The following MDFIC variants were observed in gnomAD, a reference collection of about 807,000 sequenced individuals.
MDFIC encodes myoD family inhibitor domain-containing protein.
A neutral mutation model predicts 23.2 loss-of-function variants in MDFIC; 17 were observed. The ratio of observed to expected loss-of-function variants is 0.73; its 90% CI spans 0.50 to 1.10. The LOEUF is 1.10. MDFIC is among the 50% of genes least tolerant of loss of function. MDFIC has a pLI of 0.00. For synonymous variants in MDFIC, 120 were observed against 115.2 expected, an observed-to-expected ratio of 1.04 and a Z score of -0.27; for missense variants, 356 against 316.6, an observed-to-expected ratio of 1.12 and a Z score of -0.95.
At chr7:114,959,004 A>G (rs187428975) in intron 3 of MDFIC, among the ~76,000 whole-genome samples, 2 of 152,294 alleles carry the variant, frequency 1.3e-5, no homozygotes, top group Non-Finnish European at 2.9e-5. Context: ...TATGACATCT[A>G]CAGTGTTAAA....
intron 2 of MDFIC, chr7:114,923,531 T>C: frequency 6.5e-7 from 1 of 1,537,342 alleles, no homozygotes; most frequent in Non-Finnish European, 8.7e-7. Flanking sequence ...ATCTTTCTGT[T>C]TCTTGTTGGC....
intron 4 of MDFIC, among the ~76,000 whole-genome samples, chr7:114,990,750 G>C (rs1793593660): frequency 6.6e-6 from 1 of 152,160 alleles, no homozygotes; most frequent in African/African-American, 2.4e-5. Context: ...GTCTGTCACT[G>C]ATGGGCATTT....
chr7:114,987,301 A>AT (rs1474160104), intron 4 of MDFIC, among the ~76,000 whole-genome samples: 1 of 152,118 alleles, frequency 6.6e-6, no homozygotes, highest in Non-Finnish European at 1.5e-5. Context: ...TCTTACATTA[A>AT]TTTTTTCCCA....
At chr7:115,003,745 C>A (rs897598291) in intron 4 of MDFIC, among the ~76,000 whole-genome samples, 7 of 152,142 alleles carry the variant, frequency 4.6e-5, no homozygotes, top group Non-Finnish European at 1.0e-4. Context: ...CTGGAACAAT[C>A]TTTGCTTTTA....
intron 2 of MDFIC, among the ~76,000 whole-genome samples, chr7:114,938,770 T>C (rs1792482057): frequency 7.6e-6 from 1 of 131,622 alleles, no homozygotes; most frequent in Admixed American, 8.2e-5. Context: ...TGAAATCAAC[T>C]GATTGTCTAT....
At chr7:115,013,903 A>G in intron 4 of MDFIC, 1 of 774,678 alleles carries the variant, frequency 1.3e-6, no homozygotes, top group Non-Finnish European at 1.6e-6. Context: ...ATTGGTTACT[A>G]CCAGAAATCA....
At chr7:114,940,027 G>A (rs1477807377) in intron 2 of MDFIC, among the ~76,000 whole-genome samples, 3 of 152,102 alleles carry the variant, frequency 2.0e-5, no homozygotes, top group African/African-American at 4.8e-5. Context: ...TGAGTTGACT[G>A]TAGCAGTAAA....
Position 114,923,077 on chromosome 7 carries a change from C to G in MDFIC, c.44C>G (p.Pro15Arg), listed in dbSNP as rs1257892980. 1 of 1,421,310 alleles carries G rather than the reference C, an allele frequency of 7.0e-7. No homozygotes were observed. Among genetic ancestry groups the G allele is most frequent in the African/African-American group, 1.5e-5 (1 of 65,732 alleles). 88.0% of individuals were successfully genotyped at this position (1,421,310 alleles called of 1,614,324 possible). ...GEALAPGPVGPQRVAEAGGGQ... is the reference protein window; with the variant it reads ...GEALAPGPVGRQRVAEAGGGQ... ...GCCCTCGCTCCCGGGCCCGTGGGGCCGCAGCGCGTGGCCGAGGCGGGCGGC... is the reference window on the plus strand; with the variant it reads ...GCCCTCGCTCCCGGGCCCGTGGGGCGGCAGCGCGTGGCCGAGGCGGGCGGC... The change falls in exon 2 of 5, where the codon CCG becomes CGG. Residue 15 changes from proline (P) to arginine (R), a missense_variant. Pro to Arg is a moderately radical substitution (Grantham distance 103). Coordinates refer to ENST00000393486, the MANE Select transcript of MDFIC (RefSeq NM_001166345.3).
chr7:115,011,324 G>A lies in MDFIC; in HGVS notation c.494-4364G>A, dbSNP rs577507458. On this transcript the variant is annotated intron_variant, in intron 4 of 4. Transcript: ENST00000393486. ...CAATATTTATAAAGACCTTACAAGAGAGTTTAGTACAAAGTAATTTTCTAA... is the reference window on the plus strand; with the variant it reads ...CAATATTTATAAAGACCTTACAAGAAAGTTTAGTACAAAGTAATTTTCTAA... 2.0e-5 allele frequency among the ~76,000 whole-genome samples: 3 copies of A among 152,258 alleles called. No individual in the cohort carries two copies. In the South Asian group the frequency reaches 6.2e-4, roughly 32 times the overall value.
intron 3 of MDFIC, among the ~76,000 whole-genome samples, chr7:114,958,543 G>A (rs970794149): frequency 4.6e-5 from 7 of 152,196 alleles, no homozygotes; most frequent in Non-Finnish European, 8.8e-5. Flanking sequence ...CTGAGGTCAG[G>A]AGTTCGAGAC....
chr7:114,981,079 A>G (rs1232460094), intron 4 of MDFIC, among the ~76,000 whole-genome samples: 1 of 152,204 alleles, frequency 6.6e-6, no homozygotes, highest in East Asian at 1.9e-4. Flanking sequence ...GTAGGCTGTT[A>G]ACTAAACTGG....
intron 3 of MDFIC, among the ~76,000 whole-genome samples, chr7:114,975,565 T>C (rs1379770378): frequency 5.3e-5 from 8 of 151,768 alleles, no homozygotes; most frequent in Non-Finnish European, 1.2e-4. Context: ...AGCATGCTTT[T>C]TTTTTTTTTA....
chr7:114,987,073 A>G (rs2116002476), intron 4 of MDFIC, among the ~76,000 whole-genome samples: 1 of 152,302 alleles, frequency 6.6e-6, no homozygotes, highest in South Asian at 2.1e-4. Flanking sequence ...AGGAAGGGCA[A>G]ATATTTGAGC....
intron 3 of MDFIC, among the ~76,000 whole-genome samples, chr7:114,956,796 G>C (rs1295000068): frequency 6.6e-6 from 1 of 152,146 alleles, no homozygotes; most frequent in African/African-American, 2.4e-5. Flanking sequence ...TAAGGTTTTT[G>C]ATTGAAAATA....
intron 3 of MDFIC, among the ~76,000 whole-genome samples, chr7:114,951,276 C>T (rs1403007901): frequency 6.6e-6 from 1 of 151,904 alleles, no homozygotes; most frequent in Non-Finnish European, 1.5e-5. Context: ...GGCCTAAGGT[C>T]AGTCACCTGT....
intron 3 of MDFIC, among the ~76,000 whole-genome samples, chr7:114,949,035 T>C (rs1459672024): frequency 6.6e-6 from 1 of 152,208 alleles, no homozygotes; most frequent in Middle Eastern, 3.2e-3. Context: ...TGGATAAGAA[T>C]ATTTTTAAAG....
intron 3 of MDFIC, among the ~76,000 whole-genome samples, chr7:114,950,052 G>A (rs780399302): frequency 6.6e-6 from 1 of 152,162 alleles, no homozygotes; most frequent in Non-Finnish European, 1.5e-5. Flanking sequence ...AAGACTAAGG[G>A]AAGATAGAAA....
chr7:114,950,531 T>G (rs952690030), intron 3 of MDFIC, among the ~76,000 whole-genome samples: 2 of 152,226 alleles, frequency 1.3e-5, no homozygotes, highest in African/African-American at 4.8e-5. Flanking sequence ...GTCCATAAGT[T>G]TCCTGTTGTT....
At chr7:115,013,928 C>T (rs1388594096) in intron 4 of MDFIC, 9 of 914,708 alleles carry the variant, frequency 9.8e-6, no homozygotes, top group African/African-American at 3.6e-5. Context: ...TAGGGGAAGA[C>T]GGAGAGACCT....
Sources: allele counts gnomAD v4.1 joint callset (sites outside exome capture counted in the v4.1 genomes callset), GRCh38; gene constraint gnomAD v4.1.1; transcripts MANE v1.5; gene names NCBI Gene and HGNC (gene_info 2026-07-23, HGNC 2026-07-21).